Variants in ARRB1 observed in about 807,000 individuals in gnomAD.
ARRB1 encodes arrestin beta 1, also known as beta-arrestin-1.
In ARRB1, 21 loss-of-function variants were observed where a neutral mutation model predicts 56.8. That is an observed-to-expected ratio of 0.37 (90% CI 0.26 to 0.53). ARRB1 has a LOEUF of 0.53. ARRB1 is among the 20% of genes least tolerant of loss of function. The pLI is 0.88. For synonymous variants in ARRB1, 210 were observed against 218.6 expected (o/e 0.96, Z 0.35); for missense variants, 424 against 553.7 (o/e 0.77, Z 2.35).
At chr11:75,300,202 CAAAAAAAA>C (rs10557397) in intron 1 of ARRB1, among the ~76,000 whole-genome samples, 58 of 87,308 alleles carry the variant, frequency 6.6e-4, no homozygotes, top group African/African-American at 2.2e-3. Context: ...GACTCTGTCT[CAAAAAAAA>C]AAAAAAAAAA....
In ARRB1 at chr11:75,275,525, A is replaced by G. The variant is rs1190966455; in HGVS notation, c.776+1314T>C. Reference sequence around the variant, plus strand: ...CTATTTGGGCACCCATATACCCACCATCTAGGCTCAACAATTAAAACTTTA... The same window carrying G: ...CTATTTGGGCACCCATATACCCACCGTCTAGGCTCAACAATTAAAACTTTA... On this transcript the variant is annotated intron_variant, in intron 10 of 15. Transcript: ENST00000420843. Among the ~76,000 whole-genome samples, 8 of 152,320 alleles carry G rather than the reference A, an allele frequency of 5.3e-5. No individual in the cohort carries two copies. In the East Asian group the frequency reaches 1.2e-3, roughly 22 times the overall value.
intron 1 of ARRB1, among the ~76,000 whole-genome samples, chr11:75,307,553 G>C (rs1479385291): frequency 2.0e-5 from 3 of 152,182 alleles, no homozygotes; most frequent in Non-Finnish European, 4.4e-5. Flanking sequence ...GTGTCCTGGA[G>C]GACAGGGCCA....
chr11:75,324,165 T>C (rs1947391557), intron 1 of ARRB1, among the ~76,000 whole-genome samples: 1 of 152,200 alleles, frequency 6.6e-6, no homozygotes, highest in South Asian at 2.1e-4. Flanking sequence ...GTTGCTTAAA[T>C]AATTACTGAA....
chr11:75,277,284 G>C, intron 9 of ARRB1, 80 bp downstream of exon 9: 3 of 1,375,736 alleles, frequency 2.2e-6, no homozygotes, highest in Non-Finnish European at 3.1e-6. Context: ...CTGTTAACAA[G>C]GGGAGATACT....
In ARRB1 at chr11:75,297,521, G is replaced by A. The variant is rs182804472; in HGVS notation, c.21-7482C>T. Among the ~76,000 whole-genome samples, 26 of 152,010 alleles carry A rather than the reference G, an allele frequency of 1.7e-4. No homozygotes were observed. In the East Asian group the frequency reaches 2.9e-3, roughly 17 times the overall value. On this transcript the variant is annotated intron_variant, in intron 1 of 15. Coordinates refer to ENST00000420843, the MANE Select transcript of ARRB1 (RefSeq NM_004041.5). ...ATGATGCTAGGACAACTGGATAGTCGCACAAAAAAAAACAAAGTTAGATCC... is the reference window on the plus strand; with the variant it reads ...ATGATGCTAGGACAACTGGATAGTCACACAAAAAAAAACAAAGTTAGATCC...
intron 1 of ARRB1, among the ~76,000 whole-genome samples, chr11:75,331,085 T>C (rs1052981942): frequency 1.3e-5 from 2 of 152,230 alleles, no homozygotes; most frequent in African/African-American, 2.4e-5. Context: ...GATCTCGGCT[T>C]ACCGCAACCT....
In ARRB1 at chr11:75,283,431, G is replaced by T; in HGVS notation, c.210C>A (p.Val70=). The change falls in exon 5 of 16, where the codon GTC becomes GTA. Residue 70 remains valine, a synonymous_variant. Coordinates refer to ENST00000420843, the MANE Select transcript of ARRB1 (RefSeq NM_004041.5). ...GGTCCTTGCGAAAGGTCAGGCCCAG[G>T]ACATCCAGGTCCTCCCGGCCATAGC... ...AFRYGREDLD[V]LGLTFRKDLF... 1 of 1,614,108 alleles carries T rather than the reference G, an allele frequency of 6.2e-7. No homozygotes were observed.
Position 75,274,145 on chromosome 11 carries a change from G to A in ARRB1, c.843C>T (p.Asn281=). The A allele has an allele frequency of 6.2e-7, 1 of 1,614,224 alleles. No homozygotes were observed. The highest frequency in any genetic ancestry group is 1.3e-5 in the African/African-American group (1 of 75,056). ...VYTLTPFLAN[N]REKRGLALDG... ...CCAAGGCGAGGCCCCGCTTCTCTCG[G>A]TTATTGGCTAGGAAGGGGGTCAGTG... The change falls in exon 11 of 16, where the codon AAC becomes AAT. Residue 281 remains asparagine, a synonymous_variant. Coordinates refer to ENST00000420843, the MANE Select transcript of ARRB1 (RefSeq NM_004041.5).
chr11:75,288,757 A>G (rs977120625), intron 2 of ARRB1, among the ~76,000 whole-genome samples: 1 of 152,006 alleles, frequency 6.6e-6, no homozygotes, highest in Non-Finnish European at 1.5e-5. Context: ...CTGGAACTAC[A>G]GGCATGCACC....
intron 1 of ARRB1, among the ~76,000 whole-genome samples, chr11:75,310,890 T>C (rs1947141243): frequency 1.3e-5 from 2 of 152,100 alleles, no homozygotes; most frequent in Admixed American, 1.3e-4. Context: ...GGCTCCCCAA[T>C]TGCCTTTGCC....
At chr11:75,305,423 C>T (rs1182112900) in intron 1 of ARRB1, among the ~76,000 whole-genome samples, 1 of 152,096 alleles carries the variant, frequency 6.6e-6, no homozygotes, top group African/African-American at 2.4e-5. Flanking sequence ...GTATTTATGC[C>T]TACTATACCT....
chr11:75,300,868 T>C, intron 1 of ARRB1, among the ~76,000 whole-genome samples: 1 of 146,180 alleles, frequency 6.8e-6, no homozygotes, highest in Admixed American at 6.9e-5. Context: ...CGCGGGAGGC[T>C]GAGGCAGGAG....
At chr11:75,287,855 C>T (rs185211070) in intron 2 of ARRB1, among the ~76,000 whole-genome samples, 6 of 152,322 alleles carry the variant, frequency 3.9e-5, no homozygotes, top group African/African-American at 1.4e-4. Context: ...GACTCGTTTC[C>T]TTTTTCTTAA....
Position 75,266,160 on chromosome 11 carries a change from C to A in ARRB1, c.*3G>T. The A allele has an allele frequency of 6.2e-7, 1 of 1,613,318 alleles. No homozygotes were observed. Among genetic ancestry groups the A allele is most frequent in the Non-Finnish European group, 8.5e-7 (1 of 1,179,266 alleles). On this transcript the variant is annotated 3_prime_UTR_variant, in exon 16 of 16. Coordinates refer to ENST00000420843, the MANE Select transcript of ARRB1 (RefSeq NM_004041.5). ...GAGCCACGTGGAGGCAGGGCCGGCC[C>A]GTCTATCTGTTGTTGAGCTGTGGAG...
At chr11:75,287,761 C>G (rs959354493) in intron 2 of ARRB1, among the ~76,000 whole-genome samples, 17 of 152,230 alleles carry the variant, frequency 1.1e-4, no homozygotes, top group Non-Finnish European at 2.4e-4. Flanking sequence ...GCGCTGAGCC[C>G]TCAGAGGCTC....
chr11:75,283,368 G>T lies in ARRB1; in HGVS notation c.273C>A (p.Pro91=), dbSNP rs777760278. ...VANVQSFPPA[P]EDKKPLTRLQ... is the part of the protein sequence containing the mutation. ...GCCGCGTCAGGGGCTTCTTGTCCTC[G>T]GGGGCCGGTGGGAACGACTGTACGT... Residue 91 remains proline, a synonymous_variant, in exon 5 of 16, where the codon CCC becomes CCA. Transcript: ENST00000420843. The T allele has an allele frequency of 9.9e-6, 16 of 1,614,020 alleles. No homozygotes were observed. Among genetic ancestry groups the T allele is most frequent in the Non-Finnish European group, 1.3e-5 (15 of 1,180,002 alleles).
At chr11:75,277,698 C>T (rs1439328266) in intron 8 of ARRB1, among the ~76,000 whole-genome samples, 1 of 152,220 alleles carries the variant, frequency 6.6e-6, no homozygotes, top group African/African-American at 2.4e-5. Context: ...AGTTCATCAG[C>T]CACTTCCCAC....
At chr11:75,314,137 C>A (rs1947221850) in intron 1 of ARRB1, among the ~76,000 whole-genome samples, 1 of 152,218 alleles carries the variant, frequency 6.6e-6, no homozygotes, top group Non-Finnish European at 1.5e-5. Context: ...GGGTCTCCCA[C>A]AGGACTCCAG....
intron 1 of ARRB1, among the ~76,000 whole-genome samples, chr11:75,334,077 A>G (rs1025153070): frequency 1.3e-4 from 20 of 152,250 alleles, no homozygotes; most frequent in Middle Eastern, 3.4e-3. Context: ...CACGCTTGTA[A>G]TCCCAGCACT....
Sources: gnomAD v4.1 joint callset for allele counts (sites outside exome capture counted in the v4.1 genomes callset) on GRCh38, gnomAD v4.1.1 for gene constraint, MANE v1.5 for transcripts, NCBI Gene and HGNC (gene_info 2026-07-23, HGNC 2026-07-21) for gene names.